COL4A2: variants seen among roughly 807,000 people sequenced by gnomAD.
COL4A2 encodes collagen type IV alpha 2 chain.
In COL4A2, 99 loss-of-function variants were observed where a neutral mutation model predicts 200.2. The observed-to-expected ratio is 0.49, with a 90% CI of 0.42 to 0.58. COL4A2 has a LOEUF of 0.58. Among genes scored for constraint, COL4A2 ranks in the 20% least tolerant of loss-of-function variants. The probability of loss-of-function intolerance (pLI) is 0.00; values close to 1 mark genes in which losing one functional copy is unlikely to be tolerated. For synonymous variants in COL4A2, 897 were observed against 900.6 expected (o/e 1.00, Z 0.07); for missense variants, 1,950 against 2,314.1 (o/e 0.84, Z 3.23).
chr13:110,468,932 A>C, intron 27 of COL4A2, among the ~76,000 whole-genome samples: 1 of 152,234 alleles, frequency 6.6e-6, no homozygotes, highest in Non-Finnish European at 1.5e-5. Flanking sequence ...TGGTAGGGCC[A>C]AAATTTATAG....
chr13:110,316,143 T>C (rs750354474), intron 3 of COL4A2, among the ~76,000 whole-genome samples: 9 of 152,200 alleles, frequency 5.9e-5, no homozygotes, highest in Non-Finnish European at 1.2e-4. Context: ...ATCTCTCATG[T>C]GGGAATTAGA....
At chr13:110,446,034 G>A in intron 17 of COL4A2, 152 bp downstream of exon 17, 3 of 816,352 alleles carry the variant, frequency 3.7e-6, no homozygotes, top group Non-Finnish European at 2.0e-6. Context: ...GACAGACGAG[G>A]TGGATGGTGA....
At chr13:110,313,415 G>A (rs1396260065) in intron 3 of COL4A2, among the ~76,000 whole-genome samples, 1 of 152,200 alleles carries the variant, frequency 6.6e-6, no homozygotes, top group East Asian at 1.9e-4. Flanking sequence ...GCCAGAGAGT[G>A]AATTTCAAAG....
chr13:110,489,538 GAGTCC>G, intron 35 of COL4A2, 30 bp downstream of exon 35: 1 of 1,613,410 alleles, frequency 6.2e-7, no homozygotes, highest in South Asian at 1.1e-5. Context: ...TGAAAACAGG[GAGTCC>G]ACAATTCAGA....
At chr13:110,412,799 G>A (rs376329489) in intron 4 of COL4A2, among the ~76,000 whole-genome samples, 8 of 152,302 alleles carry the variant, frequency 5.3e-5, no homozygotes, top group Admixed American at 3.9e-4. Context: ...TTTCTAGCGC[G>A]ATCCCAGCAG....
At chr13:110,312,171 T>C (rs1263261620) in intron 3 of COL4A2, among the ~76,000 whole-genome samples, 1 of 152,232 alleles carries the variant, frequency 6.6e-6, no homozygotes, top group Non-Finnish European at 1.5e-5. Context: ...TAAACAAGCA[T>C]ATCTCAGCTC....
chr13:110,493,582 G>A (rs1431815557), intron 39 of COL4A2, among the ~76,000 whole-genome samples: 2 of 152,184 alleles, frequency 1.3e-5, no homozygotes, highest in African/African-American at 2.4e-5. Context: ...CGTTGGGAGG[G>A]TGGGATGCAC....
At chr13:110,481,612 C>T (rs796271089) in intron 31 of COL4A2, among the ~76,000 whole-genome samples, 18 of 102,684 alleles carry the variant, frequency 1.8e-4, no homozygotes, top group South Asian at 7.1e-4. Context: ...ACACACTGTT[C>T]TGTCCCTCCG....
rs1882071239 is a variant in COL4A2 at position 110,462,551 on chromosome 13, T to G, written c.1776+167T>G. ...TTCTAATGAGCAGAAATCAGACTTTTTAGGAAACGGTGAATTAAGTTAGAA... is the reference window on the plus strand; with the variant it reads ...TTCTAATGAGCAGAAATCAGACTTTGTAGGAAACGGTGAATTAAGTTAGAA... On this transcript the variant is annotated intron_variant, in intron 24 of 47. Transcript: ENST00000360467. 5 of 615,266 alleles carry G rather than the reference T, an allele frequency of 8.1e-6. No homozygotes were observed. The East Asian group carries it at 1.4e-4, about 18-fold the overall frequency. The allele number at this position is 615,266 out of a possible 1,614,324, so 38.1% of individuals were successfully genotyped here.
intron 4 of COL4A2, among the ~76,000 whole-genome samples, chr13:110,374,047 T>A (rs529214803): frequency 6.6e-6 from 1 of 152,318 alleles, no homozygotes; most frequent in South Asian, 2.1e-4. Flanking sequence ...TTAATGTTCA[T>A]CATAATCGTG....
intron 4 of COL4A2, among the ~76,000 whole-genome samples, chr13:110,410,394 G>A (rs1422568385): frequency 6.6e-6 from 1 of 152,222 alleles, no homozygotes; most frequent in Non-Finnish European, 1.5e-5. Context: ...GCTTCTGGCT[G>A]TAAACAAACA....
At chr13:110,494,210 T>C (rs1315232785) in intron 39 of COL4A2, among the ~76,000 whole-genome samples, 4 of 152,226 alleles carry the variant, frequency 2.6e-5, no homozygotes, top group African/African-American at 4.8e-5. Context: ...GTTTCCATCC[T>C]GAGCCCTTCC....
At chr13:110,363,611 C>T (rs1209388118) in intron 4 of COL4A2, among the ~76,000 whole-genome samples, 1 of 152,100 alleles carries the variant, frequency 6.6e-6, no homozygotes, top group Admixed American at 6.5e-5. Flanking sequence ...GAAAAGTCCC[C>T]AGCCTTGGGG....
Position 110,458,952 on chromosome 13 carries a change from C to A in COL4A2, c.1596+18C>A, listed in dbSNP as rs761802033. 16 of 1,528,754 alleles carry A rather than the reference C, an allele frequency of 1.0e-5. No individual in the cohort carries two copies. The highest frequency in any genetic ancestry group is 2.0e-4 in the Middle Eastern group (1 of 5,126). The allele number at this position is 1,528,754 out of a possible 1,614,324, so 94.7% of individuals were successfully genotyped here. On this transcript the variant is annotated intron_variant, in intron 22 of 47. Transcript: ENST00000360467. ...GGCTCAAGGTGAGGAGCAATTTCATCATGAAGCTGGCAAGACACTCTGAGG... is the reference window on the plus strand; with the variant it reads ...GGCTCAAGGTGAGGAGCAATTTCATAATGAAGCTGGCAAGACACTCTGAGG...
At chr13:110,414,045 C>G (rs983755970) in intron 4 of COL4A2, among the ~76,000 whole-genome samples, 3 of 149,094 alleles carry the variant, frequency 2.0e-5, no homozygotes, top group South Asian at 2.2e-4. Context: ...GGCAGTGGCT[C>G]ATGCCTGTAA....
intron 3 of COL4A2, among the ~76,000 whole-genome samples, chr13:110,350,686 T>C (rs1341200254): frequency 1.3e-5 from 2 of 152,214 alleles, no homozygotes; most frequent in African/African-American, 2.4e-5. Context: ...CCACCTAGTG[T>C]AGGGCTTTGC....
intron 4 of COL4A2, among the ~76,000 whole-genome samples, chr13:110,381,210 T>C (rs1244331882): frequency 3.3e-5 from 4 of 120,812 alleles, no homozygotes; most frequent in East Asian, 2.5e-4. Flanking sequence ...TACCCACAGG[T>C]TCTATCTCAC....
Position 110,307,790 on chromosome 13 carries a change from C to T in COL4A2, c.-44-70C>T. On this transcript the variant is annotated intron_variant, in intron 1 of 47. Coordinates refer to ENST00000360467, the MANE Select transcript of COL4A2 (RefSeq NM_001846.4). The surrounding 1 kb of genome is among the most constrained non-coding windows in gnomAD (Gnocchi z 5.0). ...CCGCGCTGTCCCCGCGTCTCGCGGA[C>T]CGAGACCGGCGGTGAGGATGGGCTG... 7.1e-7 allele frequency: 1 copy of T among 1,400,010 alleles called. No homozygotes were observed. The highest frequency in any genetic ancestry group is 9.6e-7 in the Non-Finnish European group (1 of 1,039,020). 86.7% of individuals were successfully genotyped at this position (1,400,010 alleles called of 1,614,324 possible).
At chr13:110,400,623 C>T (rs1341698939) in intron 4 of COL4A2, among the ~76,000 whole-genome samples, 1 of 151,978 alleles carries the variant, frequency 6.6e-6, no homozygotes, top group Non-Finnish European at 1.5e-5. Context: ...CATCATTTTC[C>T]AAAAGGGGGA....
Sources: gnomAD v4.1 joint callset for allele counts (sites outside exome capture counted in the v4.1 genomes callset) on GRCh38, gnomAD v4.1.1 for gene constraint, Gnocchi (gnomAD v3.1) non-coding constraint, MANE v1.5 for transcripts, NCBI Gene and HGNC (gene_info 2026-07-23, HGNC 2026-07-21) for gene names.